Variants in DCDC1 observed in about 807,000 individuals in gnomAD.
The protein encoded by DCDC1 is doublecortin domain-containing protein 1.
In DCDC1, 200 loss-of-function variants were observed where a neutral mutation model predicts 178.3. That is an observed-to-expected ratio of 1.12 (90% CI 1.00 to 1.26). The LOEUF (loss-of-function observed/expected upper bound fraction) is 1.26. Ranked by LOEUF, DCDC1 falls within the 50% of genes most tolerant of loss-of-function variation. DCDC1 has a pLI of 0.00. For synonymous variants in DCDC1, 690 were observed against 604.8 expected, an observed-to-expected ratio of 1.14 and a Z score of -2.07; for missense variants, 1,983 against 1,749.2, an observed-to-expected ratio of 1.13 and a Z score of -2.38.
At chr11:31,329,122 T>G (rs1412212195) in intron 2 of DCDC1, among the ~76,000 whole-genome samples, 1 of 151,988 alleles carries the variant, frequency 6.6e-6, no homozygotes, top group African/African-American at 2.4e-5. Flanking sequence ...ATACAGAGAT[T>G]GGTAAATCAG....
At chr11:31,100,756 T>C (rs772473443) in intron 15 of DCDC1, among the ~76,000 whole-genome samples, 18 of 152,168 alleles carry the variant, frequency 1.2e-4, no homozygotes, top group Non-Finnish European at 2.4e-4. Flanking sequence ...TGGGGATCAA[T>C]GAAGTCCAGA....
intron 27 of DCDC1, among the ~76,000 whole-genome samples, chr11:30,913,109 C>T (rs1945561739): frequency 6.6e-6 from 1 of 152,134 alleles, no homozygotes; most frequent in Non-Finnish European, 1.5e-5. Flanking sequence ...CATGCCCACA[C>T]CTAATCAACA....
intron 9 of DCDC1, among the ~76,000 whole-genome samples, chr11:31,148,248 A>G (rs1042331936): frequency 1.3e-5 from 2 of 150,560 alleles, no homozygotes; most frequent in Non-Finnish European, 3.0e-5. Flanking sequence ...GAAAGGAAAA[A>G]GATCTTAGCC....
intron 20 of DCDC1, among the ~76,000 whole-genome samples, chr11:31,062,385 CT>C (rs1203742031): frequency 2.0e-5 from 3 of 152,134 alleles, no homozygotes; most frequent in African/African-American, 7.2e-5. Flanking sequence ...CAGACAAGGA[CT>C]TTCCCCAAGG....
At chr11:31,195,581 G>A (rs1233665380) in intron 9 of DCDC1, among the ~76,000 whole-genome samples, 2 of 151,804 alleles carry the variant, frequency 1.3e-5, no homozygotes, top group Non-Finnish European at 1.5e-5. Context: ...TCAAATCAAA[G>A]GTTACTTCTT....
intron 20 of DCDC1, among the ~76,000 whole-genome samples, chr11:31,052,543 G>A (rs992179956): frequency 1.3e-5 from 2 of 152,066 alleles, no homozygotes; most frequent in African/African-American, 2.4e-5. Flanking sequence ...AACAACCGTG[G>A]AATACACATT....
At chr11:31,271,273 T>C (rs549962609) in intron 7 of DCDC1, among the ~76,000 whole-genome samples, 2 of 152,370 alleles carry the variant, frequency 1.3e-5, no homozygotes, top group East Asian at 3.9e-4. Context: ...AAGGCCAATA[T>C]TCCACTTATC....
chr11:30,916,925 G>T lies in DCDC1; in HGVS notation c.3397C>A (p.Pro1133Thr). The T allele has an allele frequency of 6.2e-7, 1 of 1,609,054 alleles. No homozygotes were observed. Among genetic ancestry groups the T allele is most frequent in the Admixed American group, 1.7e-5 (1 of 59,426 alleles). ...AAGAGCCCTTTTTCCGTTTTCTTTG[G>T]AAGACTGTCATCCTCATCAAAGTCA... ...SHDFDEDDSL[P>T]KKTEKGLFEN... The change falls in exon 26 of 39, where the codon CCA becomes ACA. Residue 1133 changes from proline (P) to threonine (T), a missense_variant. By Grantham distance (38) the Pro-to-Thr change is conservative. Transcript: ENST00000684477.
At chr11:31,229,864 A>C (rs1321918499) in intron 9 of DCDC1, among the ~76,000 whole-genome samples, 1 of 152,182 alleles carries the variant, frequency 6.6e-6, no homozygotes, top group Non-Finnish European at 1.5e-5. Flanking sequence ...GAGATGGATG[A>C]AAATAAAAGC....
At chr11:31,304,672 T>C (rs970874150) in intron 6 of DCDC1, among the ~76,000 whole-genome samples, 5 of 152,110 alleles carry the variant, frequency 3.3e-5, no homozygotes, top group African/African-American at 1.2e-4. Flanking sequence ...TGTAATGAAC[T>C]CCAGAATTAC....
At chr11:31,216,923 T>G (rs1239710162) in intron 9 of DCDC1, among the ~76,000 whole-genome samples, 1 of 152,210 alleles carries the variant, frequency 6.6e-6, no homozygotes, top group African/African-American at 2.4e-5. Flanking sequence ...AATGTTTGGT[T>G]TCTAAATCTT....
chr11:30,918,812 T>A (rs927642650), intron 25 of DCDC1, among the ~76,000 whole-genome samples: 6 of 152,070 alleles, frequency 3.9e-5, no homozygotes, highest in Non-Finnish European at 8.8e-5. Flanking sequence ...AATGAGAAAG[T>A]TTCCCCCACT....
chr11:31,324,565 A>T (rs1311918456), intron 3 of DCDC1, among the ~76,000 whole-genome samples: 1 of 152,152 alleles, frequency 6.6e-6, no homozygotes, highest in Non-Finnish European at 1.5e-5. Context: ...TGGAGAAAAT[A>T]TAATTTCTTG....
chr11:30,916,861 A>G lies in DCDC1; in HGVS notation c.3452+9T>C, dbSNP rs367904374. 1 of 1,591,720 alleles carries G rather than the reference A, an allele frequency of 6.3e-7. No homozygotes were observed. Among genetic ancestry groups the G allele is most frequent in the Non-Finnish European group, 8.5e-7 (1 of 1,170,540 alleles). ...AAATCTTTAAGAGGAATCCTTTGCA[A>G]CTTTTTACCTGTGTTTCTTCTGTGG... On this transcript the variant is annotated intron_variant, in intron 26 of 38. Coordinates refer to ENST00000684477, the MANE Select transcript of DCDC1 (RefSeq NM_001387274.1).
chr11:31,045,937 A>G (rs550195695), intron 20 of DCDC1, among the ~76,000 whole-genome samples: 1 of 152,324 alleles, frequency 6.6e-6, no homozygotes, highest in South Asian at 2.1e-4. Context: ...AATACGGTAC[A>G]ATGTTAAGAA....
At chr11:31,328,520 C>T (rs775430814) in intron 2 of DCDC1, among the ~76,000 whole-genome samples, 2 of 151,956 alleles carry the variant, frequency 1.3e-5, no homozygotes, top group African/African-American at 4.8e-5. Context: ...AAAAATGGGC[C>T]GGGTTCAGTG....
chr11:30,932,004 G>T, intron 21 of DCDC1, 52 bp from the exon 22 acceptor site: 1 of 1,480,622 alleles, frequency 6.8e-7, no homozygotes, highest in Non-Finnish European at 9.0e-7. Context: ...GAAGGGTCAT[G>T]TCTAGATTTT....
intron 1 of DCDC1, among the ~76,000 whole-genome samples, chr11:31,341,410 GAT>G (rs1182129539): frequency 1.4e-5 from 2 of 146,722 alleles, no homozygotes; most frequent in Admixed American, 7.0e-5. Context: ...TAGATAGATA[GAT>G]AGATAGATAG....
At chr11:31,044,948 C>T (rs560627213) in intron 20 of DCDC1, among the ~76,000 whole-genome samples, 5 of 152,188 alleles carry the variant, frequency 3.3e-5, no homozygotes, top group Non-Finnish European at 5.9e-5. Context: ...AAATAATAAA[C>T]TAATTATTTG....
Sources: allele counts gnomAD v4.1 joint callset (sites outside exome capture counted in the v4.1 genomes callset), GRCh38; gene constraint gnomAD v4.1.1; transcripts MANE v1.5; gene names NCBI Gene and HGNC (gene_info 2026-07-23, HGNC 2026-07-21).